Variants in SND1 observed in about 807,000 individuals in gnomAD.
SND1 encodes staphylococcal nuclease domain-containing protein 1.
In SND1, 38 loss-of-function variants were observed where a neutral mutation model predicts 121.7. That is an observed-to-expected ratio of 0.31 (90% confidence interval 0.24 to 0.41). The LOEUF (loss-of-function observed/expected upper bound fraction) is 0.41, where lower values mean the gene tolerates loss of function less well. SND1 is among the 10% of genes least tolerant of loss of function. SND1 has a pLI of 1.00. For synonymous variants in SND1, 401 were observed against 447.4 expected, an observed-to-expected ratio of 0.90 and a Z score of 1.31; for missense variants, 868 against 1,184.6, an observed-to-expected ratio of 0.73 and a Z score of 3.92.
At chr7:127,662,020 G>C (rs1795321448) in intron 1 of SND1, among the ~76,000 whole-genome samples, 1 of 152,016 alleles carries the variant, frequency 6.6e-6, no homozygotes, top group Admixed American at 6.6e-5. Context: ...AGAGGCTGAG[G>C]GATGAGAATC....
At chr7:127,706,535 G>GGT (rs1220433786) in intron 8 of SND1, among the ~76,000 whole-genome samples, 1 of 152,140 alleles carries the variant, frequency 6.6e-6, no homozygotes, top group Non-Finnish European at 1.5e-5. Context: ...TGGGATTACA[G>GGT]GTGTGAGCCA....
Position 128,026,016 on chromosome 7 carries a change from CA to C in SND1, c.1779+34973del, listed in dbSNP as rs61636078. On this transcript the variant is annotated intron_variant, in intron 16 of 23. Transcript: ENST00000354725. ...ATTCCCTGTCTGCTCAAATAGCTGT[CA>C]AAAAAAAAAAAAGAAGGGTGTTAGG... Among the ~76,000 whole-genome samples the C allele has an allele frequency of 6.9e-3, 963 of 139,888 alleles. 6 individuals are homozygous for C. Among genetic ancestry groups the C allele is most frequent in the African/African-American group, 0.017 (654 of 38,978 alleles). 91.8% of individuals were successfully genotyped at this position (139,888 alleles called of 152,430 possible).
At chr7:127,695,091 G>A in intron 3 of SND1, 143 bp downstream of exon 3, 3 of 936,312 alleles carry the variant, frequency 3.2e-6, no homozygotes, top group Non-Finnish European at 4.7e-6. Context: ...AATGCTTTGG[G>A]CCCTGAGCAC....
At chr7:128,028,659 A>C (rs1803552439) in intron 16 of SND1, 1 of 1,592,866 alleles carries the variant, frequency 6.3e-7, no homozygotes, top group African/African-American at 1.4e-5. Context: ...GCATTTTATA[A>C]GTTTTTTGGG....
chr7:127,983,411 C>G (rs1246342555), intron 15 of SND1, among the ~76,000 whole-genome samples: 4 of 152,106 alleles, frequency 2.6e-5, no homozygotes, highest in Non-Finnish European at 5.9e-5. Flanking sequence ...AGTTTCCTAT[C>G]TGGAAAACTT....
intron 11 of SND1, among the ~76,000 whole-genome samples, chr7:127,830,980 A>G (rs1043096562): frequency 5.3e-5 from 8 of 152,206 alleles, no homozygotes. Context: ...TCTTCATCAG[A>G]TGATCTGCTG....
chr7:127,801,160 A>G (rs1273474037), intron 10 of SND1, among the ~76,000 whole-genome samples: 1 of 152,226 alleles, frequency 6.6e-6, no homozygotes, highest in African/African-American at 2.4e-5. Context: ...TACCACCTTT[A>G]ACCAAACAGT....
intron 11 of SND1, among the ~76,000 whole-genome samples, chr7:127,813,861 C>T (rs1192298551): frequency 6.6e-6 from 1 of 152,082 alleles, no homozygotes; most frequent in Non-Finnish European, 1.5e-5. Context: ...CCACGCTCGG[C>T]CTTGAAGTGT....
At chr7:127,801,218 C>T (rs1435920436) in intron 10 of SND1, among the ~76,000 whole-genome samples, 1 of 152,238 alleles carries the variant, frequency 6.6e-6, no homozygotes, top group African/African-American at 2.4e-5. Context: ...CCTTTTTATA[C>T]TCCCATCAGT....
At chr7:127,876,406 G>A (rs903936163) in intron 12 of SND1, among the ~76,000 whole-genome samples, 2 of 152,072 alleles carry the variant, frequency 1.3e-5, no homozygotes, top group Non-Finnish European at 2.9e-5. Context: ...AAAAGAAAAT[G>A]TTCATGGGAA....
intron 15 of SND1, among the ~76,000 whole-genome samples, chr7:127,944,013 C>T (rs994841130): frequency 1.3e-5 from 2 of 152,236 alleles, no homozygotes; most frequent in Non-Finnish European, 2.9e-5. Flanking sequence ...AGCCCTCTTG[C>T]AGTTCTCTGC....
intron 1 of SND1, among the ~76,000 whole-genome samples, chr7:127,682,203 AT>A (rs1476194035): frequency 2.0e-5 from 3 of 152,190 alleles, no homozygotes; most frequent in Non-Finnish European, 4.4e-5. Flanking sequence ...GCTGGGCAAC[AT>A]TTTAGTGGCT....
chr7:127,672,196 A>G (rs988443819), intron 1 of SND1, among the ~76,000 whole-genome samples: 1 of 152,160 alleles, frequency 6.6e-6, no homozygotes. Context: ...AGTAATCTGC[A>G]GATACGGTAT....
intron 15 of SND1, among the ~76,000 whole-genome samples, chr7:127,946,486 A>G (rs1172707273): frequency 6.6e-6 from 1 of 152,202 alleles, no homozygotes; most frequent in East Asian, 1.9e-4. Context: ...AGAGAGTGCA[A>G]GTTAGAGGAA....
chr7:127,944,798 AG>A (rs1397449921), intron 15 of SND1, among the ~76,000 whole-genome samples: 2 of 152,216 alleles, frequency 1.3e-5, no homozygotes, highest in Non-Finnish European at 2.9e-5. Context: ...GATAAGGGGT[AG>A]TGTTTATTTC....
At chr7:127,937,214 A>T (rs1010061091) in intron 15 of SND1, among the ~76,000 whole-genome samples, 3 of 152,200 alleles carry the variant, frequency 2.0e-5, no homozygotes, top group African/African-American at 7.2e-5. Context: ...GAGGAATTAC[A>T]GGGTGAGGCA....
chr7:127,761,584 C>T (rs1381670034), intron 10 of SND1, among the ~76,000 whole-genome samples: 2 of 152,152 alleles, frequency 1.3e-5, no homozygotes, highest in African/African-American at 4.8e-5. Context: ...CTGTCTTTTC[C>T]TAGAAATGTT....
chr7:127,975,328 T>C (rs1263417135), intron 15 of SND1, among the ~76,000 whole-genome samples: 1 of 152,068 alleles, frequency 6.6e-6, no homozygotes, highest in African/African-American at 2.4e-5. Flanking sequence ...TGTTTGTATG[T>C]GTGGGCGCGC....
At chr7:127,905,772 G>C (rs1252100219) in intron 14 of SND1, among the ~76,000 whole-genome samples, 1 of 152,316 alleles carries the variant, frequency 6.6e-6, no homozygotes, top group East Asian at 1.9e-4. Flanking sequence ...GCCATGCATA[G>C]GGAAGATGCC....
Sources: allele counts gnomAD v4.1 joint callset (sites outside exome capture counted in the v4.1 genomes callset), GRCh38; gene constraint gnomAD v4.1.1; transcripts MANE v1.5; gene names NCBI Gene and HGNC (gene_info 2026-07-23, HGNC 2026-07-21).